FBXO16: variants seen among roughly 807,000 people sequenced by gnomAD.
FBXO16 encodes F-box only protein 16.
Under a neutral mutation model 41.0 loss-of-function variants are expected in FBXO16, and 31 were observed. That is an observed-to-expected ratio of 0.76 (90% confidence interval 0.57 to 1.02). The LOEUF is 1.02. Ranked by LOEUF, FBXO16 falls within the 50% of genes least tolerant of loss-of-function variation. The pLI, the probability that FBXO16 is intolerant of heterozygous loss-of-function variation, is 0.00. For missense variants in FBXO16, 361 were observed against 346.2 expected, an observed-to-expected ratio of 1.04 and a Z score of -0.34; for synonymous variants, 133 against 117.8, an observed-to-expected ratio of 1.13 and a Z score of -0.84.
intron 2 of FBXO16, among the ~76,000 whole-genome samples, chr8:28,482,491 T>C (rs574111230): frequency 5.3e-5 from 8 of 152,234 alleles, no homozygotes; most frequent in African/African-American, 1.7e-4. Flanking sequence ...ACCCCAGCCG[T>C]CCACCGTGAT....
At chr8:28,435,295 C>T (rs1056240532) in intron 7 of FBXO16, among the ~76,000 whole-genome samples, 1 of 151,944 alleles carries the variant, frequency 6.6e-6, no homozygotes, top group Non-Finnish European at 1.5e-5. Context: ...CTCAGCCTCC[C>T]GAGTAGCTGG....
At position 28,447,175 on chromosome 8, in the gene FBXO16, G is replaced by C; in HGVS notation, c.839C>G (p.Ser280Ter). ...TCTTTCATAAACAATACTTACCATT[G>C]ATTGTGCTTTTCTTAGCCTAGTTCT... Reference protein sequence around the residue: ...QDRTRLRKAQSMMSRRNPFPL... With the variant: ...QDRTRLRKAQ The change falls in exon 7 of 9, where the codon TCA (serine) becomes TGA (stop). Residue 280 changes from serine to a stop codon, truncating the protein, a stop_gained. Transcript: ENST00000380254. LOFTEE classifies it high-confidence loss of function. 1.2e-6 allele frequency: 2 copies of C among 1,611,320 alleles called. No individual in the cohort carries two copies. Among genetic ancestry groups the C allele is most frequent in the Non-Finnish European group, 1.7e-6 (2 of 1,178,144 alleles).
At chr8:28,473,746 C>A in intron 3 of FBXO16, 26 bp downstream of exon 3, 1 of 1,580,946 alleles carries the variant, frequency 6.3e-7, no homozygotes, top group Non-Finnish European at 8.7e-7. Flanking sequence ...TAACATAATG[C>A]AAAAATAGTA....
At chr8:28,474,777 A>G (rs1803398294) in intron 2 of FBXO16, among the ~76,000 whole-genome samples, 1 of 152,242 alleles carries the variant, frequency 6.6e-6, no homozygotes, top group Non-Finnish European at 1.5e-5. Context: ...TCTCCAGTAG[A>G]GTGCTTACAG....
chr8:28,467,672 C>T (rs36044791), intron 3 of FBXO16, among the ~76,000 whole-genome samples: 32,528 of 152,180 alleles, frequency 0.21, 4,213 homozygotes, highest in Middle Eastern at 0.29. Context: ...AGCTCATCTA[C>T]TTTCCCGCTG....
intron 2 of FBXO16, among the ~76,000 whole-genome samples, chr8:28,474,978 A>AAGG (rs1803402051): frequency 6.6e-6 from 1 of 152,166 alleles, no homozygotes; most frequent in African/African-American, 2.4e-5. Flanking sequence ...CGTGGCAGAG[A>AAGG]AGGGGGTTAT....
At chr8:28,484,685 G>A (rs189416990) in intron 1 of FBXO16, among the ~76,000 whole-genome samples, 1,599 of 151,642 alleles carry the variant, frequency 0.011, 25 homozygotes, top group African/African-American at 0.037. Flanking sequence ...TCCGCCTTCC[G>A]GGTTCACACC....
intron 6 of FBXO16, among the ~76,000 whole-genome samples, chr8:28,451,414 A>T (rs1802951746): frequency 6.9e-6 from 1 of 145,762 alleles, no homozygotes; most frequent in African/African-American, 2.6e-5. Flanking sequence ...TTTTTGAGAT[A>T]GGGTCTAGCT....
At chr8:28,429,785 C>T (rs1802580159) in intron 7 of FBXO16, among the ~76,000 whole-genome samples, 1 of 152,184 alleles carries the variant, frequency 6.6e-6, no homozygotes, top group Admixed American at 6.5e-5. Context: ...TCTTCCCCTC[C>T]AGCTAACGTG....
rs1802812702 is a variant in FBXO16, at chr8:28,443,536, A to G, written c.843+3635T>C. Among the ~76,000 whole-genome samples, 3 of 152,142 alleles carry G rather than the reference A, an allele frequency of 2.0e-5. No individual in the cohort carries two copies. The South Asian group carries it at 6.2e-4, about 32-fold the overall frequency. On this transcript the variant is annotated intron_variant, in intron 7 of 8. Coordinates refer to ENST00000380254, the MANE Select transcript of FBXO16 (RefSeq NM_172366.4). Reference sequence around the variant, plus strand: ...GTTTGTCCTGCTCACCTGCTTCTCTAGGTCCTCCTGAAATCTTCCTCCATA... The same window carrying G: ...GTTTGTCCTGCTCACCTGCTTCTCTGGGTCCTCCTGAAATCTTCCTCCATA...
chr8:28,453,954 A>C (rs1585902835), intron 5 of FBXO16, among the ~76,000 whole-genome samples: 1 of 152,060 alleles, frequency 6.6e-6, no homozygotes, highest in East Asian at 1.9e-4. Context: ...ACATGAGGTC[A>C]GGAGTTCGAG....
Position 28,452,484 on chromosome 8 carries a change from A to T in FBXO16, c.508-8T>A, listed in dbSNP as rs1164980386. On this transcript the variant is annotated splice_polypyrimidine_tract_variant and splice_region_variant and intron_variant, in intron 5 of 8. Coordinates refer to ENST00000380254, the MANE Select transcript of FBXO16 (RefSeq NM_172366.4). ...TCCATCCTTTGGGGGTGTCTAGAAG[A>T]AGAAAGTTAATTATGTTCTCAAAAC... The T allele has an allele frequency of 1.9e-6, 3 of 1,612,596 alleles. No homozygotes were observed. The highest frequency in any genetic ancestry group is 2.5e-6 in the Non-Finnish European group (3 of 1,179,586).
intron 3 of FBXO16, among the ~76,000 whole-genome samples, chr8:28,471,844 A>G (rs1375891035): frequency 7.1e-6 from 1 of 141,182 alleles, no homozygotes; most frequent in Non-Finnish European, 1.5e-5. Flanking sequence ...CCAGAGATGG[A>G]TATTTTGATC....
intron 3 of FBXO16, among the ~76,000 whole-genome samples, chr8:28,464,696 T>C (rs571390191): frequency 1.3e-5 from 2 of 152,310 alleles, no homozygotes; most frequent in South Asian, 4.2e-4. Flanking sequence ...CTCTGTTGCC[T>C]AGATTGGAGT....
At chr8:28,429,333 C>T in intron 8 of FBXO16, 45 bp downstream of exon 8, 2 of 1,609,192 alleles carry the variant, frequency 1.2e-6, no homozygotes, top group Non-Finnish European at 1.7e-6. Context: ...CACGATCTCT[C>T]TAAAAAGGCA....
intron 1 of FBXO16, among the ~76,000 whole-genome samples, chr8:28,486,870 G>A (rs929273818): frequency 2.0e-5 from 3 of 152,022 alleles, no homozygotes; most frequent in Non-Finnish European, 2.9e-5. Context: ...AATTAAATTC[G>A]TTGTTCTGAA....
At chr8:28,440,877 G>C (rs529923040) in intron 7 of FBXO16, among the ~76,000 whole-genome samples, 47 of 152,198 alleles carry the variant, frequency 3.1e-4, no homozygotes, top group Non-Finnish European at 5.7e-4. Flanking sequence ...CTAGACAAAG[G>C]GTATTTGTGT....
chr8:28,474,316 C>CAAAAAAAAAAAAA, intron 2 of FBXO16, among the ~76,000 whole-genome samples: 14 of 56,656 alleles, frequency 2.5e-4, no homozygotes, highest in Admixed American at 5.0e-4. Context: ...CAGACCCTGT[C>CAAAAAAAAAAAAA]AAAAAAAAAA....
chr8:28,433,206 G>C (rs1267473278), intron 7 of FBXO16, among the ~76,000 whole-genome samples: 2 of 149,484 alleles, frequency 1.3e-5, no homozygotes, highest in Admixed American at 1.3e-4. Flanking sequence ...TGAGCTTTCT[G>C]TTCTTTTTCT....
Sources: gnomAD v4.1 joint callset for allele counts (sites outside exome capture counted in the v4.1 genomes callset) on GRCh38, gnomAD v4.1.1 for gene constraint, MANE v1.5 for transcripts, NCBI Gene and HGNC (gene_info 2026-07-23, HGNC 2026-07-21) for gene names.